The following CNTN5 variants were observed in gnomAD, a reference collection of about 807,000 sequenced individuals.
The protein encoded by CNTN5 is contactin-5.
In CNTN5, 77 loss-of-function variants were observed where a neutral mutation model predicts 129.1. That is an observed-to-expected ratio of 0.60 (90% CI 0.50 to 0.72). The LOEUF is 0.72. Ranked by LOEUF, CNTN5 falls within the 30% of genes least tolerant of loss-of-function variation. CNTN5 has a pLI of 0.00. For synonymous variants in CNTN5, 509 were observed against 465.6 expected (o/e 1.09, Z -1.20); for missense variants, 1,478 against 1,328.8 (o/e 1.11, Z -1.75).
intron 3 of CNTN5, among the ~76,000 whole-genome samples, chr11:99,592,209 G>A (rs1025307171): frequency 2.6e-5 from 4 of 152,172 alleles, no homozygotes; most frequent in Admixed American, 2.6e-4. Flanking sequence ...AAAGTTGACT[G>A]TTTTCAAGAT....
chr11:99,203,034 GGAGGGAGGAAGA>G (rs1478474071), intron 1 of CNTN5, among the ~76,000 whole-genome samples: 4 of 151,964 alleles, frequency 2.6e-5, no homozygotes, highest in African/African-American at 9.7e-5. Flanking sequence ...AGGCAGAGAG[GGAGGGAGGAAGA>G]GAGGGAGGAA....
chr11:100,334,202 G>C (rs1347360912), intron 21 of CNTN5, among the ~76,000 whole-genome samples: 1 of 152,140 alleles, frequency 6.6e-6, no homozygotes, highest in Admixed American at 6.6e-5. Context: ...CTAATGATCA[G>C]GGAAATACAA....
intron 9 of CNTN5, among the ~76,000 whole-genome samples, chr11:100,016,898 G>A (rs561372021): frequency 1.3e-5 from 2 of 151,578 alleles, no homozygotes; most frequent in African/African-American, 4.8e-5. Context: ...GTTAAATGGT[G>A]CAGAACAGGT....
intron 3 of CNTN5, among the ~76,000 whole-genome samples, chr11:99,668,002 A>G (rs1402363071): frequency 6.6e-6 from 1 of 152,162 alleles, no homozygotes; most frequent in East Asian, 1.9e-4. Flanking sequence ...TTTCTCTGAT[A>G]TTGCTTAATG....
chr11:99,229,369 G>A (rs573575414), intron 1 of CNTN5, among the ~76,000 whole-genome samples: 127 of 151,862 alleles, frequency 8.4e-4, no homozygotes, highest in Non-Finnish European at 1.4e-3. Flanking sequence ...AAGCTATACA[G>A]GTGTTTTGTA....
At chr11:99,620,023 CT>C (rs1322243094) in intron 3 of CNTN5, among the ~76,000 whole-genome samples, 1,087 of 41,564 alleles carry the variant, frequency 0.026, 19 homozygotes, top group African/African-American at 0.063. Context: ...AAGACTCCGT[CT>C]CAAAAAAAAA....
chr11:99,563,101 A>T (rs2135555471), intron 3 of CNTN5, among the ~76,000 whole-genome samples: 1 of 152,260 alleles, frequency 6.6e-6, no homozygotes, highest in East Asian at 1.9e-4. Flanking sequence ...TGAAAGGCAA[A>T]TTATAAATTT....
intron 18 of CNTN5, among the ~76,000 whole-genome samples, chr11:100,286,531 C>T (rs1395703955): frequency 6.7e-6 from 1 of 148,252 alleles, no homozygotes; most frequent in African/African-American, 2.5e-5. Context: ...TCCAACAGAC[C>T]TGCAGCTGAG....
chr11:99,191,390 G>A (rs1166294024), intron 1 of CNTN5, among the ~76,000 whole-genome samples: 3 of 151,618 alleles, frequency 2.0e-5, no homozygotes, highest in African/African-American at 4.8e-5. Context: ...TTTCTTGGAA[G>A]AGTTTGAGAG....
chr11:99,695,009 C>T (rs1164247624), intron 3 of CNTN5, among the ~76,000 whole-genome samples: 2 of 152,022 alleles, frequency 1.3e-5, no homozygotes, highest in East Asian at 1.9e-4. Flanking sequence ...ACACAAAATA[C>T]ATTACTTTTT....
At chr11:100,147,775 G>C (rs539888702) in intron 13 of CNTN5, among the ~76,000 whole-genome samples, 6 of 152,000 alleles carry the variant, frequency 3.9e-5, no homozygotes, top group African/African-American at 1.4e-4. Context: ...TCGAGGTTCT[G>C]CCATTCTCCA....
intron 3 of CNTN5, among the ~76,000 whole-genome samples, chr11:99,702,954 T>C (rs1388203092): frequency 2.0e-5 from 3 of 150,902 alleles, no homozygotes; most frequent in South Asian, 2.1e-4. Context: ...TGAAACTTTC[T>C]TTCCCTTTTA....
chr11:99,997,811 T>C (rs1939558210), intron 8 of CNTN5, among the ~76,000 whole-genome samples: 2 of 152,170 alleles, frequency 1.3e-5, no homozygotes, highest in South Asian at 4.2e-4. Context: ...TCCACCATGA[T>C]CAAGTGGGCT....
intron 1 of CNTN5, among the ~76,000 whole-genome samples, chr11:99,035,206 G>C (rs1238132211): frequency 1.3e-5 from 2 of 150,532 alleles, no homozygotes; most frequent in Non-Finnish European, 1.5e-5. Context: ...GGTCAATTTT[G>C]GAATAGGTGT....
At chr11:99,976,310 T>C (rs774238894) in intron 8 of CNTN5, among the ~76,000 whole-genome samples, 12 of 152,196 alleles carry the variant, frequency 7.9e-5, no homozygotes, top group Non-Finnish European at 1.5e-4. Flanking sequence ...GTGCAAACTG[T>C]TGGTGGATCT....
chr11:99,825,953 G>GAGC (rs1565575562), intron 4 of CNTN5, among the ~76,000 whole-genome samples: 2 of 152,164 alleles, frequency 1.3e-5, no homozygotes, highest in East Asian at 3.9e-4. Context: ...CTTTTCAAAT[G>GAGC]TGCAAAATCC....
At chr11:99,454,116 A>C (rs1177227049) in intron 2 of CNTN5, among the ~76,000 whole-genome samples, 2 of 152,204 alleles carry the variant, frequency 1.3e-5, no homozygotes, top group Non-Finnish European at 2.9e-5. Flanking sequence ...GCCCCAAAGA[A>C]ATGTCTGAAC....
chr11:99,143,044 G>A (rs912800194), intron 1 of CNTN5, among the ~76,000 whole-genome samples: 4 of 151,960 alleles, frequency 2.6e-5, no homozygotes, highest in Non-Finnish European at 5.9e-5. Context: ...AGATCTGCTG[G>A]TAATGTGTCA....
At chr11:99,189,049 C>A (rs1392671117) in intron 1 of CNTN5, among the ~76,000 whole-genome samples, 1 of 151,600 alleles carries the variant, frequency 6.6e-6, no homozygotes, top group Non-Finnish European at 1.5e-5. Flanking sequence ...TGATTTTTGA[C>A]TTTTGTAGGT....
Sources: allele counts gnomAD v4.1 joint callset (sites outside exome capture counted in the v4.1 genomes callset), GRCh38; gene constraint gnomAD v4.1.1; transcripts MANE v1.5; gene names NCBI Gene and HGNC (gene_info 2026-07-23, HGNC 2026-07-21).